The following EEFSEC variants were observed in gnomAD, a reference collection of about 807,000 sequenced individuals.
EEFSEC encodes the protein eukaryotic elongation factor, selenocysteine-tRNA specific.
In EEFSEC, 43 loss-of-function variants were observed where a neutral mutation model predicts 42.1. The observed-to-expected ratio is 1.02, with a 90% CI of 0.80 to 1.32. The LOEUF is 1.32. EEFSEC is among the 40% of genes most tolerant of loss of function. EEFSEC has a pLI of 0.00. For synonymous variants in EEFSEC, 354 were observed against 339.1 expected, an observed-to-expected ratio of 1.04 and a Z score of -0.48; for missense variants, 745 against 803.6, an observed-to-expected ratio of 0.93 and a Z score of 0.88.
chr3:128,164,147 G>C (rs1399840798), intron 1 of EEFSEC, among the ~76,000 whole-genome samples: 1 of 152,100 alleles, frequency 6.6e-6, no homozygotes, highest in Non-Finnish European at 1.5e-5. Context: ...TGTGTGGTGG[G>C]AAAGGACCAC....
intron 6 of EEFSEC, among the ~76,000 whole-genome samples, chr3:128,376,899 G>T (rs1187763058): frequency 6.6e-6 from 1 of 152,122 alleles, no homozygotes; most frequent in Non-Finnish European, 1.5e-5. Flanking sequence ...TCACACTGTG[G>T]GCTAATTTCC....
rs767163474 is a variant in EEFSEC, at chr3:128,317,580, C to T, written c.787-23653C>T. ...TTTCCACCCGGGCTACCACTGGAGTCGTTCTGACCTTTGTACTTCATCACT... is the reference window on the plus strand; with the variant it reads ...TTTCCACCCGGGCTACCACTGGAGTTGTTCTGACCTTTGTACTTCATCACT... On this transcript the variant is annotated intron_variant, in intron 4 of 6. Coordinates refer to ENST00000254730, the MANE Select transcript of EEFSEC (RefSeq NM_021937.5). This position sits in a 1 kb window ranked among gnomAD's most constrained non-coding sequence, Gnocchi z 4.1. 7.9e-5 allele frequency among the ~76,000 whole-genome samples: 12 copies of T among 152,218 alleles called. No individual in the cohort carries two copies. Among genetic ancestry groups the T allele is most frequent in the East Asian group, 1.9e-4 (1 of 5,192 alleles).
intron 1 of EEFSEC, among the ~76,000 whole-genome samples, chr3:128,218,014 G>A (rs1469954314): frequency 1.3e-5 from 2 of 152,236 alleles, no homozygotes; most frequent in Non-Finnish European, 2.9e-5. Flanking sequence ...TCAGTGGAGA[G>A]TGTGTGTTGG....
At chr3:128,291,953 C>T (rs1424948933) in intron 4 of EEFSEC, among the ~76,000 whole-genome samples, 1 of 152,048 alleles carries the variant, frequency 6.6e-6, no homozygotes, top group Non-Finnish European at 1.5e-5. Context: ...TCAAGAAGTT[C>T]CTTTCTGTTT....
At chr3:128,199,119 A>G (rs1257625981) in intron 1 of EEFSEC, among the ~76,000 whole-genome samples, 1 of 152,162 alleles carries the variant, frequency 6.6e-6, no homozygotes, top group Non-Finnish European at 1.5e-5. Context: ...GGCTTGAGCT[A>G]CCACACCTGG....
At chr3:128,163,104 C>CA (rs1227591453) in intron 1 of EEFSEC, among the ~76,000 whole-genome samples, 2 of 152,126 alleles carry the variant, frequency 1.3e-5, no homozygotes, top group African/African-American at 4.8e-5. Context: ...GGATGAGATA[C>CA]TCTTACCTTA....
At chr3:128,223,489 C>T (rs1004612943) in intron 1 of EEFSEC, among the ~76,000 whole-genome samples, 3 of 152,188 alleles carry the variant, frequency 2.0e-5, no homozygotes, top group Non-Finnish European at 4.4e-5. Context: ...GGACTGTACC[C>T]TTAAGCTATG....
intron 1 of EEFSEC, among the ~76,000 whole-genome samples, chr3:128,211,293 G>T (rs775310799): frequency 2.0e-5 from 3 of 151,942 alleles, no homozygotes; most frequent in Admixed American, 6.6e-5. Flanking sequence ...TTGCTCTGTT[G>T]TCCAGGCTGG....
At chr3:128,386,513 G>C (rs1479023325) in intron 6 of EEFSEC, among the ~76,000 whole-genome samples, 1 of 151,744 alleles carries the variant, frequency 6.6e-6, no homozygotes, top group Non-Finnish European at 1.5e-5. Flanking sequence ...TGACACCACA[G>C]CTGAGGGTAG....
chr3:128,416,856 G>A, the EEFSEC span, among the ~76,000 whole-genome samples: 2 of 152,198 alleles, frequency 1.3e-5, no homozygotes, highest in South Asian at 4.2e-4. Context: ...GGCCCCATCT[G>A]AGCCCTGGAT....
At chr3:128,310,784 C>A (rs2066881786) in intron 4 of EEFSEC, among the ~76,000 whole-genome samples, 1 of 152,256 alleles carries the variant, frequency 6.6e-6, no homozygotes. Flanking sequence ...AGTTTGGAAA[C>A]CTGCAGTAGT....
intron 4 of EEFSEC, among the ~76,000 whole-genome samples, chr3:128,309,608 T>G (rs1047638806): frequency 6.6e-6 from 1 of 152,152 alleles, no homozygotes. Context: ...CATGGTGACT[T>G]TAGCTGTGAA....
At chr3:128,211,858 T>C (rs1251746073) in intron 1 of EEFSEC, among the ~76,000 whole-genome samples, 69 of 115,512 alleles carry the variant, frequency 6.0e-4, no homozygotes, top group African/African-American at 2.3e-3. Flanking sequence ...CTTTTTTTTT[T>C]TTTTTTTTTT....
rs1463869199 is a variant in EEFSEC at position 128,247,045 on chromosome 3, T to A, written c.524+2T>A. ...GCAGAAGACCCTAGAGAACACCAAG[T>A]AGGTCTGCTAATGAGAGCAATGTTC... On this transcript the variant is annotated splice_donor_variant, in intron 2 of 6. Coordinates refer to ENST00000254730, the MANE Select transcript of EEFSEC (RefSeq NM_021937.5). LOFTEE classifies it high-confidence loss of function. 1.9e-6 allele frequency: 3 copies of A among 1,613,596 alleles called. No individual in the cohort carries two copies. Among genetic ancestry groups the A allele is most frequent in the Non-Finnish European group, 2.5e-6 (3 of 1,179,934 alleles).
At position 128,212,141 on chromosome 3, in the gene EEFSEC, G is replaced by A. The variant is rs1394697514; in HGVS notation, c.317-34695G>A. ...CTCCCAAAGTGCTGGCATTACAGGC[G>A]TGAGCCACTGCGCCCAGCCAGAAAT... is the stretch of plus-strand genomic sequence containing the variant. On this transcript the variant is annotated intron_variant, in intron 1 of 6. Coordinates refer to ENST00000254730, the MANE Select transcript of EEFSEC (RefSeq NM_021937.5). Among the ~76,000 whole-genome samples the A allele has an allele frequency of 5.3e-5, 8 of 152,160 alleles. No homozygotes were observed. In the South Asian group the frequency reaches 6.2e-4, roughly 12 times the overall value.
At chr3:128,374,286 G>A (rs188756568) in intron 6 of EEFSEC, among the ~76,000 whole-genome samples, 6 of 152,324 alleles carry the variant, frequency 3.9e-5, no homozygotes, top group Non-Finnish European at 7.3e-5. Context: ...TGCTGTTCAT[G>A]TTTTCCCCTC....
At chr3:128,232,878 C>T (rs1385412099) in intron 1 of EEFSEC, among the ~76,000 whole-genome samples, 1 of 152,242 alleles carries the variant, frequency 6.6e-6, no homozygotes, top group East Asian at 1.9e-4. Context: ...GCGACATAAG[C>T]AGCCATCACC....
At position 128,184,713 on chromosome 3, in the gene EEFSEC, A is replaced by G. The variant is rs528550393; in HGVS notation, c.316+30890A>G. ...ACCATACTGTTCTGATTCTGTTTAA[A>G]ATGAAGGACATTTTTTTTCCTTATC... On this transcript the variant is annotated intron_variant, in intron 1 of 6. Transcript: ENST00000254730. Among the ~76,000 whole-genome samples, 3 of 152,336 alleles carry G rather than the reference A, an allele frequency of 2.0e-5. No individual in the cohort carries two copies. In the East Asian group the frequency reaches 5.8e-4, roughly 29 times the overall value.
intron 4 of EEFSEC, among the ~76,000 whole-genome samples, chr3:128,282,857 T>C (rs927414656): frequency 6.6e-6 from 1 of 152,222 alleles, no homozygotes; most frequent in African/African-American, 2.4e-5. Context: ...ATCTCCCGAC[T>C]TCACAGGCTT....
Sources: allele counts gnomAD v4.1 joint callset (sites outside exome capture counted in the v4.1 genomes callset), GRCh38; gene constraint gnomAD v4.1.1; non-coding constraint Gnocchi (gnomAD v3.1); transcripts MANE v1.5; gene names NCBI Gene and HGNC (gene_info 2026-07-23, HGNC 2026-07-21).